Variants in PIK3C2G observed in about 807,000 individuals in gnomAD.
PIK3C2G encodes the protein phosphatidylinositol 3-kinase C2 domain-containing subunit gamma.
In PIK3C2G, 168 loss-of-function variants were observed where a neutral mutation model predicts 181.1. The ratio of observed to expected loss-of-function variants is 0.93; its 90% CI spans 0.82 to 1.05. The LOEUF (loss-of-function observed/expected upper bound fraction) is 1.05. PIK3C2G is among the 50% of genes least tolerant of loss of function. PIK3C2G has a pLI of 0.00. For synonymous variants in PIK3C2G, 573 were observed against 592.2 expected, an observed-to-expected ratio of 0.97 and a Z score of 0.47; for missense variants, 1,869 against 1,732.8, an observed-to-expected ratio of 1.08 and a Z score of -1.40.
rs561623956 is a variant in PIK3C2G at position 18,438,471 on chromosome 12, T to C, written c.2504+14432T>C. ...ACTACTCCTTCTTGTCTTGACAAGA[T>C]TGTCTTATGGTACACGTAGTATAGT... On this transcript the variant is annotated intron_variant, in intron 18 of 32. Coordinates refer to ENST00000538779, the MANE Select transcript of PIK3C2G (RefSeq NM_001288772.2). Among the ~76,000 whole-genome samples the C allele has an allele frequency of 3.0e-3, 459 of 152,052 alleles. 2 individuals are homozygous for C. Among genetic ancestry groups the C allele is most frequent in the African/African-American group, 0.011 (440 of 41,556 alleles).
chr12:18,320,949 C>T lies in PIK3C2G; in HGVS notation c.1138-13C>T, dbSNP rs1366329897. The T allele has an allele frequency of 3.4e-6, 5 of 1,451,300 alleles. No homozygotes were observed. In the African/African-American group the frequency reaches 7.1e-5, roughly 21 times the overall value. The allele number at this position is 1,451,300 out of a possible 1,614,324, so 89.9% of individuals were successfully genotyped here. A position where few individuals can be genotyped will look rare whatever the true frequency, so the allele number is the denominator to read the frequency against. Reference sequence around the variant, plus strand: ...TTCACTCAATAAATATTAATATATTCTGCTGTCTACAGCATGAAGAGGACC... The same window carrying T: ...TTCACTCAATAAATATTAATATATTTTGCTGTCTACAGCATGAAGAGGACC... On this transcript the variant is annotated splice_polypyrimidine_tract_variant and intron_variant, in intron 6 of 32. Transcript: ENST00000538779.
rs1264491800 is a variant in PIK3C2G, at chr12:18,596,882, G to C, written c.4087+2313G>C. ...AATTAAAATGTTAATGATGTGAAAG[G>C]CCAAGCAGTGTAAGAATAGAACTAT... is the stretch of plus-strand genomic sequence containing the variant. On this transcript the variant is annotated intron_variant, in intron 30 of 32. Coordinates refer to ENST00000538779, the MANE Select transcript of PIK3C2G (RefSeq NM_001288772.2). Among the ~76,000 whole-genome samples, 2 of 152,004 alleles carry C rather than the reference G, an allele frequency of 1.3e-5. 1 individual carries two copies. The highest frequency in any genetic ancestry group is 1.3e-4 in the Admixed American group (2 of 15,246).
rs1324519571 is a variant in PIK3C2G, at chr12:18,562,876, G to A, written c.3764G>A (p.Ser1255Asn). Residue 1255 changes from serine (S) to asparagine (N), a missense_variant, in exon 27 of 33, where the codon AGC (serine) becomes AAC (asparagine). Coordinates refer to ENST00000538779, the MANE Select transcript of PIK3C2G (RefSeq NM_001288772.2). ...SIERATILGF[S>N]KKSSNLYLIQ... ...GAAAGAGCAACAATTTTAGGGTTCA[G>A]CAAGAAATCCAGTAATGTAAGTTTA... The A allele has an allele frequency of 1.9e-6, 3 of 1,597,592 alleles. No homozygotes were observed. In the African/African-American group the frequency reaches 4.0e-5, roughly 21 times the overall value.
intron 29 of PIK3C2G, among the ~76,000 whole-genome samples, chr12:18,580,041 G>T (rs1946416977): frequency 6.6e-6 from 1 of 151,640 alleles, no homozygotes; most frequent in African/African-American, 2.4e-5. Flanking sequence ...GCTGAGGCAG[G>T]AGAATTGCTT....
intron 26 of PIK3C2G, among the ~76,000 whole-genome samples, chr12:18,547,387 A>G (rs1944488240): frequency 6.6e-6 from 1 of 151,966 alleles, no homozygotes; most frequent in Non-Finnish European, 1.5e-5. Flanking sequence ...ATGAACTTGA[A>G]TGGGTGTGCT....
At chr12:18,667,975 CAAA>C in the PIK3C2G span, among the ~76,000 whole-genome samples, 10 of 151,452 alleles carry the variant, frequency 6.6e-5, no homozygotes, top group African/African-American at 2.4e-4. Context: ...GCAACAACAA[CAAA>C]AAAAAAAGGC....
intron 9 of PIK3C2G, among the ~76,000 whole-genome samples, chr12:18,340,210 C>T (rs1014087118): frequency 2.0e-5 from 3 of 152,038 alleles, no homozygotes; most frequent in Non-Finnish European, 4.4e-5. Flanking sequence ...AATCTTTTGG[C>T]TTCCCTGGGC....
intron 18 of PIK3C2G, among the ~76,000 whole-genome samples, chr12:18,464,158 A>T (rs1350975804): frequency 2.0e-5 from 3 of 152,126 alleles, no homozygotes; most frequent in African/African-American, 4.8e-5. Flanking sequence ...AGCTGGCCTC[A>T]TATGCCCTAA....
At chr12:18,483,523 T>C (rs1055473321) in intron 18 of PIK3C2G, among the ~76,000 whole-genome samples, 26 of 152,146 alleles carry the variant, frequency 1.7e-4, no homozygotes, top group African/African-American at 6.3e-4. Context: ...GGACTTTTTA[T>C]GATCCACGAA....
At chr12:18,607,996 C>T (rs531452124) in intron 30 of PIK3C2G, among the ~76,000 whole-genome samples, 1 of 152,076 alleles carries the variant, frequency 6.6e-6, no homozygotes, top group Non-Finnish European at 1.5e-5. Context: ...CAAAACCACA[C>T]TGAGATACCA....
chr12:18,617,363 T>G (rs1565567043), intron 31 of PIK3C2G, among the ~76,000 whole-genome samples: 3 of 152,164 alleles, frequency 2.0e-5, no homozygotes, highest in Non-Finnish European at 4.4e-5. Context: ...TTTTTTGTCT[T>G]CAGTTTCACT....
intron 22 of PIK3C2G, among the ~76,000 whole-genome samples, chr12:18,500,896 G>C (rs192722465): frequency 1.4e-4 from 21 of 152,184 alleles, no homozygotes; most frequent in African/African-American, 4.8e-4. Flanking sequence ...AAGGTCTGTA[G>C]CTTCACTCCT....
At chr12:18,325,821 G>GA (rs1190616419) in intron 8 of PIK3C2G, among the ~76,000 whole-genome samples, 2 of 151,682 alleles carry the variant, frequency 1.3e-5, no homozygotes, top group African/African-American at 2.4e-5. Flanking sequence ...TTAGAGGCTG[G>GA]AAAAAAAATC....
chr12:18,613,932 T>C (rs1474983399), intron 31 of PIK3C2G, among the ~76,000 whole-genome samples: 2 of 152,008 alleles, frequency 1.3e-5, no homozygotes, highest in African/African-American at 4.8e-5. Context: ...GTTGTGAAAA[T>C]AAAGCACAGA....
At chr12:18,420,762 G>A (rs567047176) in intron 16 of PIK3C2G, among the ~76,000 whole-genome samples, 179 bp from the exon 17 acceptor site, 28 of 152,122 alleles carry the variant, frequency 1.8e-4, no homozygotes, top group Non-Finnish European at 2.6e-4. Flanking sequence ...TAGTCCACAC[G>A]AGAGTATAGA....
chr12:18,681,573 T>A, the PIK3C2G span, among the ~76,000 whole-genome samples: 1 of 152,034 alleles, frequency 6.6e-6, no homozygotes, highest in African/African-American at 2.4e-5. Context: ...TCTAGTTCAA[T>A]ACATAGGGAC....
intron 16 of PIK3C2G, among the ~76,000 whole-genome samples, chr12:18,402,463 A>T (rs542736446): frequency 6.6e-6 from 1 of 152,298 alleles, no homozygotes; most frequent in African/African-American, 2.4e-5. Flanking sequence ...ATCTGGAAAC[A>T]TGCTAAAAAC....
chr12:18,561,675 A>G (rs929539822), intron 26 of PIK3C2G, among the ~76,000 whole-genome samples: 3 of 152,148 alleles, frequency 2.0e-5, no homozygotes, highest in African/African-American at 7.2e-5. Flanking sequence ...TGAATTAAAA[A>G]TAAAAAAAGA....
At chr12:18,292,217 A>AACAAACAAAC (rs1949723690) in intron 4 of PIK3C2G, among the ~76,000 whole-genome samples, 1 of 80,230 alleles carries the variant, frequency 1.2e-5, no homozygotes, top group African/African-American at 5.6e-5. Flanking sequence ...TCTCAAAAAA[A>AACAAACAAAC]AAAAAAAAAA....
Sources: allele counts gnomAD v4.1 joint callset (sites outside exome capture counted in the v4.1 genomes callset), GRCh38; gene constraint gnomAD v4.1.1; transcripts MANE v1.5; gene names NCBI Gene and HGNC (gene_info 2026-07-23, HGNC 2026-07-21).